RBPJ: variants seen among roughly 807,000 people sequenced by gnomAD.
RBPJ encodes recombination signal binding protein for immunoglobulin kappa J region.
In RBPJ, 9 loss-of-function variants were observed where a neutral mutation model predicts 67.8. The ratio of observed to expected loss-of-function variants is 0.13; its 90% CI spans 0.08 to 0.23. RBPJ has a LOEUF of 0.23. Ranked by LOEUF, RBPJ falls within the 10% of genes least tolerant of loss-of-function variation. The pLI, the probability that RBPJ is intolerant of heterozygous loss-of-function variation, is 1.00. For synonymous variants in RBPJ, 198 were observed against 203.3 expected (o/e 0.97, Z 0.22); for missense variants, 305 against 595.6 (o/e 0.51, Z 5.08).
intron 1 of RBPJ, among the ~76,000 whole-genome samples, chr4:26,273,776 C>T (rs1720989739): frequency 6.6e-6 from 1 of 152,198 alleles, no homozygotes; most frequent in Non-Finnish European, 1.5e-5. Context: ...ACAGCCATTC[C>T]CGGTGCCCCT....
At chr4:26,403,157 C>T (rs893623694) in intron 2 of RBPJ, among the ~76,000 whole-genome samples, 2 of 151,664 alleles carry the variant, frequency 1.3e-5, no homozygotes, top group African/African-American at 4.8e-5. Context: ...AATTCAGTTT[C>T]TATAGTATTG....
intron 1 of RBPJ, chr4:26,322,166 A>T (rs1198025917): frequency 6.6e-6 from 1 of 152,212 alleles, no homozygotes; most frequent in Non-Finnish European, 1.5e-5. Flanking sequence ...GAAGCTTTGC[A>T]ATCTAGGCTG....
At chr4:26,137,290 C>T in the RBPJ span, among the ~76,000 whole-genome samples, 2 of 152,206 alleles carry the variant, frequency 1.3e-5, no homozygotes, top group Admixed American at 6.5e-5. Context: ...TCTTGTCCCC[C>T]AAAGTTGTAT....
At chr4:26,315,144 CAAAAAAA>C (rs60940172), upstream of RBPJ, among the ~76,000 whole-genome samples, 3 of 10,356 alleles carry the variant, frequency 2.9e-4, no homozygotes, top group Non-Finnish European at 5.1e-4. Context: ...GTCTCTGTCT[CAAAAAAA>C]AAAAAAAAAA....
At chr4:26,357,628 T>C (rs1727537306) in intron 1 of RBPJ, among the ~76,000 whole-genome samples, 1 of 152,176 alleles carries the variant, frequency 6.6e-6, no homozygotes, top group Non-Finnish European at 1.5e-5. Context: ...AGTTTAGTGG[T>C]AGTAAGTACA....
At chr4:26,386,291 C>A in intron 1 of RBPJ, 62 bp from the exon 2 acceptor site, 1 of 1,170,268 alleles carries the variant, frequency 8.5e-7, no homozygotes, top group Non-Finnish European at 1.2e-6. Context: ...GCCTGAAAAG[C>A]TTTCTGTAGA....
chr4:26,358,433 A>T (rs571038182), intron 1 of RBPJ, among the ~76,000 whole-genome samples: 2 of 152,212 alleles, frequency 1.3e-5, no homozygotes, highest in South Asian at 4.1e-4. Flanking sequence ...CTAGTCTTTG[A>T]GTTCCCACAC....
chr4:26,362,600 T>C (rs200470833), intron 1 of RBPJ: 2 of 1,614,038 alleles, frequency 1.2e-6, no homozygotes, highest in Non-Finnish European at 1.7e-6. Context: ...CTTAACATGT[T>C]CTTGAAGTAC....
At chr4:26,228,741 C>T (rs1719168210) in intron 1 of RBPJ, among the ~76,000 whole-genome samples, 1 of 152,236 alleles carries the variant, frequency 6.6e-6, no homozygotes, top group African/African-American at 2.4e-5. Flanking sequence ...CAGTGGAAGC[C>T]ATGAGTAATG....
intron 1 of RBPJ, among the ~76,000 whole-genome samples, chr4:26,201,818 T>G (rs1577466508): frequency 6.6e-6 from 1 of 152,240 alleles, no homozygotes; most frequent in African/African-American, 2.4e-5. Context: ...TGGTTTATTC[T>G]TGCCCCCTGA....
upstream of RBPJ, among the ~76,000 whole-genome samples, chr4:26,317,991 A>G (rs373128461): frequency 1.6e-4 from 25 of 152,256 alleles, no homozygotes; most frequent in South Asian, 1.2e-3. Context: ...GCTCCAAGGA[A>G]TATGTGCCCC....
At chr4:26,154,285 C>T in the RBPJ span, among the ~76,000 whole-genome samples, 2 of 152,194 alleles carry the variant, frequency 1.3e-5, no homozygotes, top group African/African-American at 4.8e-5. Context: ...GCATTTTCTC[C>T]ATCTGTAAAA....
chr4:26,338,152 C>CTTTTT (rs1725080548), intron 1 of RBPJ, among the ~76,000 whole-genome samples: 1 of 92,968 alleles, frequency 1.1e-5, no homozygotes, highest in Non-Finnish European at 2.2e-5. Context: ...GTGTATTTTT[C>CTTTTT]TTTCTTTTTT....
At chr4:26,319,674 T>G (rs1577425150), upstream of RBPJ, 1 of 648,142 alleles carries the variant, frequency 1.5e-6, no homozygotes. Context: ...TGGAAGGCGG[T>G]GGGAAGGAGG....
At chr4:26,209,288 G>A (rs2109166524) in intron 1 of RBPJ, among the ~76,000 whole-genome samples, 1 of 152,104 alleles carries the variant, frequency 6.6e-6, no homozygotes, top group East Asian at 1.9e-4. Flanking sequence ...CTGATGTGGT[G>A]ACTTTTGGTT....
chr4:26,189,089 C>T (rs1463120752), intron 1 of RBPJ, among the ~76,000 whole-genome samples: 3 of 152,164 alleles, frequency 2.0e-5, no homozygotes, highest in Non-Finnish European at 4.4e-5. Context: ...AAAGGGCTCA[C>T]ATCTGTAATC....
intron 2 of RBPJ, among the ~76,000 whole-genome samples, chr4:26,394,026 AT>A (rs5856942): frequency 0.52 from 68,346 of 131,422 alleles, 15,876 homozygotes; most frequent in Middle Eastern, 0.63. Context: ...CTATGGATTC[AT>A]TTTTTTTTTT....
At chr4:26,382,845 T>C (rs7661547) in intron 1 of RBPJ, among the ~76,000 whole-genome samples, 1,896 of 152,338 alleles carry the variant, frequency 0.012, 41 homozygotes, top group African/African-American at 0.043. Flanking sequence ...CCAGCTAAAA[T>C]TATGCATTGT....
At chr4:26,394,408 C>T (rs527544236) in intron 2 of RBPJ, among the ~76,000 whole-genome samples, 36 of 151,308 alleles carry the variant, frequency 2.4e-4, no homozygotes, top group African/African-American at 8.5e-4. Flanking sequence ...CTTTTAAGGA[C>T]GTCCCAATCT....
Sources: gnomAD v4.1 joint callset for allele counts (sites outside exome capture counted in the v4.1 genomes callset) on GRCh38, gnomAD v4.1.1 for gene constraint, MANE v1.5 for transcripts, NCBI Gene and HGNC (gene_info 2026-07-23, HGNC 2026-07-21) for gene names.